The following MYO19 variants were observed in gnomAD, a reference collection of about 807,000 sequenced individuals.
MYO19 encodes the protein unconventional myosin-XIX.
MYO19 carries 132 observed loss-of-function variants against 129.2 expected under a neutral mutation model. That is an observed-to-expected ratio of 1.02 (90% CI 0.89 to 1.18). MYO19 has a LOEUF of 1.18. MYO19 is among the 50% of genes most tolerant of loss of function. The pLI is 0.00. For missense variants in MYO19, 1,210 were observed against 1,216.7 expected, an observed-to-expected ratio of 0.99 and a Z score of 0.08; for synonymous variants, 531 against 477.2, an observed-to-expected ratio of 1.11 and a Z score of -1.47.
chr17:36,524,628 C>G (rs1338470396), intron 6 of MYO19, among the ~76,000 whole-genome samples: 1 of 152,210 alleles, frequency 6.6e-6, no homozygotes, highest in Non-Finnish European at 1.5e-5. Flanking sequence ...ACACCTGGCC[C>G]AATATACTGC....
At chr17:36,510,684 C>T in intron 13 of MYO19, 62 bp downstream of exon 13, 1 of 1,509,652 alleles carries the variant, frequency 6.6e-7, no homozygotes. Flanking sequence ...TCTGGCCCAA[C>T]CCCGGACAGG....
chr17:36,512,113 G>A (rs929565159), intron 11 of MYO19, among the ~76,000 whole-genome samples: 1 of 152,050 alleles, frequency 6.6e-6, no homozygotes, highest in Non-Finnish European at 1.5e-5. Context: ...CACTCTGGGA[G>A]GCTGAGGCAG....
intron 6 of MYO19, among the ~76,000 whole-genome samples, chr17:36,523,731 G>T (rs2073290915): frequency 6.6e-6 from 1 of 152,038 alleles, no homozygotes; most frequent in Non-Finnish European, 1.5e-5. Context: ...GTATTTTGAG[G>T]GCAGGGAAAT....
chr17:36,502,967 C>T, intron 21 of MYO19, 130 bp downstream of exon 21: 1 of 757,824 alleles, frequency 1.3e-6, no homozygotes, highest in Non-Finnish European at 2.3e-6. Flanking sequence ...TCTGTTTCCC[C>T]CACTGAACCA....
intron 11 of MYO19, among the ~76,000 whole-genome samples, chr17:36,512,094 T>A (rs1188741186): frequency 6.6e-6 from 1 of 152,030 alleles, no homozygotes; most frequent in African/African-American, 2.4e-5. Flanking sequence ...CACACGCTTG[T>A]AATTCCAGCA....
Position 36,515,104 on chromosome 17 carries a change from AGCT to A in MYO19, c.617+6_617+8del. 1 of 1,602,160 alleles carries A rather than the reference AGCT, an allele frequency of 6.2e-7. No individual in the cohort carries two copies. The highest frequency in any genetic ancestry group is 8.5e-7 in the Non-Finnish European group (1 of 1,174,164). On this transcript the variant is annotated splice_donor_region_variant and intron_variant, in intron 8 of 25. Coordinates refer to ENST00000614623, the MANE Select transcript of MYO19 (RefSeq NM_001163735.2). ...TCCTCCCACTAGCCAGGGCAACAGC[AGCT>A]ATTACCTGTTCAGCTGGAGCTGGAT...
At chr17:36,508,029 G>T in intron 14 of MYO19, 105 bp from the exon 15 acceptor site, 2 of 1,250,666 alleles carry the variant, frequency 1.6e-6, no homozygotes, top group Non-Finnish European at 1.1e-6. Flanking sequence ...CCTTATACTT[G>T]GCAGCCTGGG....
intron 7 of MYO19, 53 bp from the exon 8 acceptor site, chr17:36,515,235 T>C (rs985233053): frequency 3.9e-6 from 6 of 1,534,022 alleles, no homozygotes; most frequent in Middle Eastern, 3.4e-4. Flanking sequence ...AGAGTCCTCA[T>C]AAGCCAAGGT....
upstream of MYO19, chr17:36,537,268 G>A: frequency 6.2e-7 from 1 of 1,613,886 alleles, no homozygotes; most frequent in Non-Finnish European, 8.5e-7. Flanking sequence ...TGGAAAACTA[G>A]ATTCCTCACT....
Position 36,512,694 on chromosome 17 carries a change from G to A in MYO19, c.894+735C>T. On this transcript the variant is annotated intron_variant, in intron 11 of 25. Transcript: ENST00000614623. Reference sequence around the variant, plus strand: ...TGAGCAGCCCCCATCTGGAGGTGAGGGTCACTTTCCACTGCATTGCTACCT... The same window carrying A: ...TGAGCAGCCCCCATCTGGAGGTGAGAGTCACTTTCCACTGCATTGCTACCT... 3.1e-6 allele frequency: 4 copies of A among 1,289,160 alleles called. No homozygotes were observed. The South Asian group carries it at 3.7e-5, about 12-fold the overall frequency. 79.9% of individuals were successfully genotyped at this position (1,289,160 alleles called of 1,614,324 possible).
chr17:36,503,561 C>T (rs554767029), intron 20 of MYO19, among the ~76,000 whole-genome samples: 1 of 152,328 alleles, frequency 6.6e-6, no homozygotes, highest in African/African-American at 2.4e-5. Context: ...GCCACATCTC[C>T]CCTCTGACCT....
intron 25 of MYO19, chr17:36,498,044 A>G (rs914219710): frequency 1.9e-6 from 1 of 534,030 alleles, no homozygotes; most frequent in South Asian, 3.3e-5. Flanking sequence ...AAATAATTAG[A>G]AGCAGTTTTT....
At chr17:36,537,806 C>T (rs61755368), upstream of MYO19, 1 of 1,614,112 alleles carries the variant, frequency 6.2e-7, no homozygotes, top group Non-Finnish European at 8.5e-7. Context: ...ATGGAGTTCA[C>T]TGGAACTTTT....
chr17:36,530,890 G>A (rs182718460), intron 3 of MYO19, among the ~76,000 whole-genome samples: 2 of 152,066 alleles, frequency 1.3e-5, no homozygotes, highest in South Asian at 2.1e-4. Flanking sequence ...CAAAGTATTG[G>A]GATTACAGGC....
intron 23 of MYO19, chr17:36,499,396 T>G (rs2071297152): frequency 2.9e-6 from 1 of 340,206 alleles, no homozygotes. Context: ...GAAGGGGCAC[T>G]GGGGAGAAGG....
Position 36,513,447 on chromosome 17 carries a change from G to C in MYO19, c.876C>G (p.Thr292=). 6.2e-7 allele frequency: 1 copy of C among 1,614,046 alleles called. No individual in the cohort carries two copies. The highest frequency in any genetic ancestry group is 8.5e-7 in the Non-Finnish European group (1 of 1,179,904). The stretch of plus-strand genomic sequence containing the variant: ...TTCTGACCTTAAAGATGTTGTTCTG[G>C]GTAGGGGTGTCAATGCCCAAATGGA... ...AMLHLGIDTP[T]QNNIFKVLAG... is the part of the protein sequence containing the mutation. Residue 292 remains threonine (T), a synonymous_variant, in exon 11 of 26, where the codon ACC becomes ACG. Transcript: ENST00000614623.
At chr17:36,531,335 C>T (rs1000765946) in intron 3 of MYO19, among the ~76,000 whole-genome samples, 9 of 139,750 alleles carry the variant, frequency 6.4e-5, no homozygotes, top group Non-Finnish European at 1.0e-4. Flanking sequence ...GCAGAGATTG[C>T]AGTGAGCCAA....
chr17:36,516,279 T>C (rs190669667), intron 6 of MYO19, among the ~76,000 whole-genome samples: 2 of 152,284 alleles, frequency 1.3e-5, no homozygotes, highest in East Asian at 3.9e-4. Flanking sequence ...ATACAATTGT[T>C]TATAAACAAT....
intron 11 of MYO19, chr17:36,512,910 C>T (rs562354240): frequency 4.2e-4 from 411 of 972,760 alleles, no homozygotes; most frequent in East Asian, 5.8e-4. Flanking sequence ...CGACGGGGCA[C>T]GGGTTGGGGG....
Sources: allele counts gnomAD v4.1 joint callset (sites outside exome capture counted in the v4.1 genomes callset), GRCh38; gene constraint gnomAD v4.1.1; transcripts MANE v1.5; gene names NCBI Gene and HGNC (gene_info 2026-07-23, HGNC 2026-07-21).